UVRAG: variants seen among roughly 807,000 people sequenced by gnomAD.
The protein encoded by UVRAG is UV radiation resistance-associated gene protein.
A neutral mutation model predicts 78.0 loss-of-function variants in UVRAG; 19 were observed. The ratio of observed to expected loss-of-function variants is 0.24; its 90% CI spans 0.17 to 0.36. The LOEUF (loss-of-function observed/expected upper bound fraction) is 0.36. UVRAG is among the 10% of genes least tolerant of loss of function. The pLI is 1.00. For missense variants in UVRAG, 740 were observed against 853.8 expected (o/e 0.87, Z 1.66); for synonymous variants, 323 against 324.6 (o/e 1.00, Z 0.05).
intron 11 of UVRAG, among the ~76,000 whole-genome samples, chr11:76,009,712 C>A (rs993811102): frequency 4.6e-5 from 7 of 152,100 alleles, no homozygotes; most frequent in African/African-American, 1.4e-4. Context: ...TGGGCCCTTA[C>A]CTGTAAGTAC....
At chr11:76,003,236 A>G (rs1345861238) in intron 8 of UVRAG, among the ~76,000 whole-genome samples, 2 of 135,380 alleles carry the variant, frequency 1.5e-5, no homozygotes, top group Non-Finnish European at 3.1e-5. Flanking sequence ...CCTATACACT[A>G]TGATTTTCAC....
At chr11:76,061,560 G>A (rs1395672858) in intron 12 of UVRAG, among the ~76,000 whole-genome samples, 1 of 152,046 alleles carries the variant, frequency 6.6e-6, no homozygotes, top group East Asian at 1.9e-4. Flanking sequence ...TGAAGCCAGC[G>A]AGACCACGAA....
chr11:75,958,896 A>G (rs1948858493), intron 6 of UVRAG, among the ~76,000 whole-genome samples: 1 of 152,252 alleles, frequency 6.6e-6, no homozygotes, highest in South Asian at 2.1e-4. Context: ...ACATGAAAAC[A>G]TTAATCTCCT....
At chr11:75,999,101 C>T (rs1287648908) in intron 8 of UVRAG, among the ~76,000 whole-genome samples, 2 of 151,744 alleles carry the variant, frequency 1.3e-5, no homozygotes, top group Admixed American at 6.6e-5. Flanking sequence ...GACATGGTGG[C>T]GGGTGCCTGT....
intron 12 of UVRAG, among the ~76,000 whole-genome samples, chr11:76,063,451 C>G (rs1951130197): frequency 2.6e-5 from 4 of 152,182 alleles, no homozygotes; most frequent in African/African-American, 9.7e-5. Context: ...GACAGTAAGG[C>G]TCAGATGGAA....
intron 6 of UVRAG, among the ~76,000 whole-genome samples, chr11:75,920,611 A>G (rs1947959995): frequency 6.6e-6 from 1 of 152,016 alleles, no homozygotes; most frequent in Non-Finnish European, 1.5e-5. Context: ...GCTGCCAGCA[A>G]ACCACCCAAA....
At chr11:75,932,217 A>G (rs968704292) in intron 6 of UVRAG, among the ~76,000 whole-genome samples, 1 of 152,152 alleles carries the variant, frequency 6.6e-6, no homozygotes, top group Non-Finnish European at 1.5e-5. Context: ...CCGCTAAGCA[A>G]ATTGGAAAGG....
At chr11:76,129,962 C>T (rs1190890802) in intron 14 of UVRAG, among the ~76,000 whole-genome samples, 1 of 152,130 alleles carries the variant, frequency 6.6e-6, no homozygotes, top group Non-Finnish European at 1.5e-5. Flanking sequence ...TTCTCTCTCT[C>T]TCTTCTTTGC....
intron 13 of UVRAG, among the ~76,000 whole-genome samples, chr11:76,087,286 G>A (rs752774346): frequency 3.9e-5 from 6 of 152,210 alleles, no homozygotes; most frequent in Non-Finnish European, 7.4e-5. Context: ...TTACAGATAT[G>A]AGTTGCCATG....
chr11:76,080,092 A>G (rs1591212347), intron 13 of UVRAG, among the ~76,000 whole-genome samples: 1 of 152,190 alleles, frequency 6.6e-6, no homozygotes, highest in African/African-American at 2.4e-5. Flanking sequence ...TCTTGTAGTA[A>G]TGGCATTAAT....
chr11:75,873,403 C>T (rs1042987498), intron 3 of UVRAG, among the ~76,000 whole-genome samples: 4 of 151,812 alleles, frequency 2.6e-5, no homozygotes, highest in Admixed American at 6.6e-5. Flanking sequence ...GTATTATCTA[C>T]TTGGGAAAAC....
chr11:76,075,110 TGAGAA>T (rs1951380341), intron 13 of UVRAG, among the ~76,000 whole-genome samples: 1 of 152,090 alleles, frequency 6.6e-6, no homozygotes, highest in Non-Finnish European at 1.5e-5. Context: ...ATGTGACACA[TGAGAA>T]GAAAATATGC....
rs561033109 is a variant in UVRAG, at chr11:76,015,165, C to T, written c.1061-1650C>T. Among the ~76,000 whole-genome samples the T allele has an allele frequency of 3.9e-3, 600 of 152,156 alleles. 3 individuals carry two copies. The highest frequency in any genetic ancestry group is 0.013 in the African/African-American group (551 of 41,522). Reference sequence around the variant, plus strand: ...AAACTGTGAAGAAACTAAGGTGGTACACGTGTGTCATATGCTTGGTACATT... The same window carrying T: ...AAACTGTGAAGAAACTAAGGTGGTATACGTGTGTCATATGCTTGGTACATT... On this transcript the variant is annotated intron_variant, in intron 11 of 14. Coordinates refer to ENST00000356136, the MANE Select transcript of UVRAG (RefSeq NM_003369.4).
chr11:75,907,400 ATT>A (rs934059327), intron 5 of UVRAG, among the ~76,000 whole-genome samples: 1 of 138,130 alleles, frequency 7.2e-6, no homozygotes. Context: ...CTAGTTTGTG[ATT>A]TTTTTTTTTT....
intron 1 of UVRAG, among the ~76,000 whole-genome samples, chr11:75,830,146 T>C (rs78778913): frequency 0.011 from 1,705 of 151,932 alleles, 31 homozygotes; most frequent in African/African-American, 0.038. Flanking sequence ...GGCCAATTAA[T>C]TGGTATTAAA....
intron 10 of UVRAG, among the ~76,000 whole-genome samples, chr11:76,008,324 C>CTA (rs1364802298): frequency 7.2e-5 from 11 of 151,992 alleles, no homozygotes; most frequent in African/African-American, 2.7e-4. Context: ...AACTGTCAGG[C>CTA]TGTTAGGTTT....
chr11:76,038,705 T>G (rs1256809906), intron 12 of UVRAG, among the ~76,000 whole-genome samples: 2 of 152,308 alleles, frequency 1.3e-5, no homozygotes, highest in East Asian at 3.9e-4. Flanking sequence ...CCTAATCAAG[T>G]GAACCCTTGA....
At chr11:75,832,064 T>TA (rs896993267) in intron 1 of UVRAG, among the ~76,000 whole-genome samples, 1 of 152,168 alleles carries the variant, frequency 6.6e-6, no homozygotes, top group African/African-American at 2.4e-5. Flanking sequence ...CATCATAAAG[T>TA]AAAAACATCA....
At chr11:75,826,195 C>T (rs1011318785) in intron 1 of UVRAG, among the ~76,000 whole-genome samples, 3 of 150,710 alleles carry the variant, frequency 2.0e-5, no homozygotes, top group African/African-American at 4.9e-5. Flanking sequence ...CTTGCTCTGT[C>T]GCTAGGCTGG....
Sources: gnomAD v4.1 joint callset for allele counts (sites outside exome capture counted in the v4.1 genomes callset) on GRCh38, gnomAD v4.1.1 for gene constraint, MANE v1.5 for transcripts, NCBI Gene and HGNC (gene_info 2026-07-23, HGNC 2026-07-21) for gene names.